The following STIM1 variants were observed in gnomAD, a reference collection of about 807,000 sequenced individuals.
STIM1 encodes stromal interaction molecule 1.
Under a neutral mutation model 74.7 loss-of-function variants are expected in STIM1, and 25 were observed. The ratio of observed to expected loss-of-function variants is 0.33; its 90% CI spans 0.24 to 0.47. The LOEUF is 0.47. STIM1 is among the 20% of genes least tolerant of loss of function. The probability of loss-of-function intolerance (pLI) is 1.00; values close to 1 mark genes in which losing one functional copy is unlikely to be tolerated. For synonymous variants in STIM1, 328 were observed against 348.8 expected, an observed-to-expected ratio of 0.94 and a Z score of 0.66; for missense variants, 728 against 920.8, an observed-to-expected ratio of 0.79 and a Z score of 2.71.
chr11:3,991,758 A>C (rs1028751504), intron 2 of STIM1, among the ~76,000 whole-genome samples: 26 of 150,578 alleles, frequency 1.7e-4, no homozygotes, highest in African/African-American at 6.3e-4. Context: ...GACCAGCCTG[A>C]CCAACATGGA....
intron 1 of STIM1, among the ~76,000 whole-genome samples, chr11:3,861,148 C>A (rs1378733629): frequency 6.6e-6 from 1 of 151,340 alleles, no homozygotes; most frequent in Non-Finnish European, 1.5e-5. Context: ...GATCATTAGG[C>A]AGAGTTGCTT....
rs1029633147 is a variant in STIM1 at position 3,919,210 on chromosome 11, A to G, written c.140-48342A>G. 2.0e-5 allele frequency among the ~76,000 whole-genome samples: 3 copies of G among 152,036 alleles called. No individual in the cohort carries two copies. The East Asian group carries it at 5.8e-4, about 29-fold the overall frequency. ...GGACTTTTCTTAGCCCCAACACCAA[A>G]CTGTGTTTTTTTGAGATGGAGTTTC... On this transcript the variant is annotated intron_variant, in intron 1 of 12. Coordinates refer to ENST00000526596, the MANE Select transcript of STIM1 (RefSeq NM_001382567.1).
At chr11:3,910,606 C>T (rs764210776) in intron 1 of STIM1, among the ~76,000 whole-genome samples, 6 of 152,108 alleles carry the variant, frequency 3.9e-5, no homozygotes, top group Admixed American at 6.6e-5. Flanking sequence ...GGATGCACAA[C>T]ACTATAAATG....
intron 2 of STIM1, among the ~76,000 whole-genome samples, chr11:3,989,877 T>G (rs1323706453): frequency 6.6e-6 from 1 of 152,240 alleles, no homozygotes; most frequent in African/African-American, 2.4e-5. Flanking sequence ...CCTATCAATT[T>G]TAAAAAAACA....
intron 1 of STIM1, among the ~76,000 whole-genome samples, chr11:3,937,636 GCAGTCCTTCAATGT>G (rs141604187): frequency 0.021 from 3,248 of 152,204 alleles, 117 homozygotes; most frequent in African/African-American, 0.075. Flanking sequence ...GAGGATGATG[GCAGTCCTTCAATGT>G]CACTCTTAGT....
At chr11:3,862,028 G>A (rs2090632597) in intron 1 of STIM1, among the ~76,000 whole-genome samples, 1 of 152,072 alleles carries the variant, frequency 6.6e-6, no homozygotes, top group Non-Finnish European at 1.5e-5. Context: ...AGGTTTGGTT[G>A]TTGTCAGGCT....
chr11:3,956,059 T>TGG (rs2093208978), intron 1 of STIM1, among the ~76,000 whole-genome samples: 1 of 150,702 alleles, frequency 6.6e-6, no homozygotes, highest in African/African-American at 2.4e-5. Flanking sequence ...GGAGATGAAA[T>TGG]CAGAAAGATG....
chr11:3,857,732 G>T (rs1374471123), intron 1 of STIM1, among the ~76,000 whole-genome samples: 3 of 152,144 alleles, frequency 2.0e-5, no homozygotes, highest in Non-Finnish European at 4.4e-5. Context: ...AGTCAGAAAA[G>T]GAAATATAGG....
chr11:4,039,327 G>A (rs2094129170), intron 3 of STIM1, among the ~76,000 whole-genome samples: 1 of 152,040 alleles, frequency 6.6e-6, no homozygotes. Context: ...GGTGGCTCAT[G>A]TCTGTAATCC....
chr11:4,048,638 C>T (rs2094212766), intron 3 of STIM1, among the ~76,000 whole-genome samples: 1 of 151,992 alleles, frequency 6.6e-6, no homozygotes, highest in South Asian at 2.1e-4. Context: ...ATTAAGTCTA[C>T]TTCTATTCCT....
At chr11:4,048,633 G>A (rs2094212729) in intron 3 of STIM1, among the ~76,000 whole-genome samples, 1 of 152,078 alleles carries the variant, frequency 6.6e-6, no homozygotes, top group Non-Finnish European at 1.5e-5. Flanking sequence ...TGTGTATTAA[G>A]TCTACTTCTA....
intron 2 of STIM1, among the ~76,000 whole-genome samples, chr11:3,980,683 A>AACAAC (rs1217971514): frequency 5.8e-4 from 83 of 142,408 alleles, no homozygotes; most frequent in African/African-American, 2.1e-3. Flanking sequence ...ACAACAACAA[A>AACAAC]AAAAAACAAA....
chr11:4,086,526 T>C lies in STIM1; in HGVS notation c.1617T>C (p.His539=), dbSNP rs377754940. The C allele has an allele frequency of 3.1e-6, 5 of 1,614,062 alleles. No individual in the cohort carries two copies. The highest frequency in any genetic ancestry group is 4.2e-6 in the Non-Finnish European group (5 of 1,180,034). The change falls in exon 12 of 13, where the codon CAT becomes CAC. Residue 539 remains histidine, a synonymous_variant. Transcript: ENST00000526596. The part of the protein sequence containing the change: ...SVRQRLTEPQ[H]GLGSQRDLTH... ...GGCAGCGCCTGACGGAGCCACAGCATGGCCTGGGATCTCAGAGGTTGGTAG... is the reference window on the plus strand; with the variant it reads ...GGCAGCGCCTGACGGAGCCACAGCACGGCCTGGGATCTCAGAGGTTGGTAG...
At chr11:4,067,641 T>C (rs574346292) in intron 5 of STIM1, among the ~76,000 whole-genome samples, 3 of 152,230 alleles carry the variant, frequency 2.0e-5, no homozygotes, top group Non-Finnish European at 2.9e-5. Context: ...CAAGTTAGTG[T>C]CCCTTACAGA....
intron 12 of STIM1, chr11:4,088,567 G>C: frequency 1.3e-6 from 1 of 761,164 alleles, no homozygotes; most frequent in East Asian, 2.8e-5. Context: ...ATCAAATTGG[G>C]TTGGGGACAC....
intron 2 of STIM1, among the ~76,000 whole-genome samples, chr11:3,986,130 C>A (rs1373252782): frequency 6.6e-6 from 1 of 152,028 alleles, no homozygotes; most frequent in Non-Finnish European, 1.5e-5. Flanking sequence ...GAATTTACTA[C>A]CTAGAAAGGT....
intron 2 of STIM1, among the ~76,000 whole-genome samples, chr11:3,968,576 C>A (rs1170352286): frequency 4.6e-5 from 7 of 152,136 alleles, no homozygotes; most frequent in Non-Finnish European, 1.0e-4. Flanking sequence ...AAACAAAGAG[C>A]ATTCAACACA....
At chr11:3,982,193 ATTTTTGTAT>A (rs2093512817) in intron 2 of STIM1, among the ~76,000 whole-genome samples, 1 of 150,896 alleles carries the variant, frequency 6.6e-6, no homozygotes, top group African/African-American at 2.4e-5. Context: ...TGCCCAGTTA[ATTTTTGTAT>A]TTTTTGTAGA....
At chr11:3,918,168 C>T (rs150721550) in intron 1 of STIM1, among the ~76,000 whole-genome samples, 1 of 152,080 alleles carries the variant, frequency 6.6e-6, no homozygotes, top group Admixed American at 6.6e-5. Flanking sequence ...GGCTTTCTCC[C>T]ATGTAGTGGC....
Sources: gnomAD v4.1 joint callset for allele counts (sites outside exome capture counted in the v4.1 genomes callset) on GRCh38, gnomAD v4.1.1 for gene constraint, MANE v1.5 for transcripts, NCBI Gene and HGNC (gene_info 2026-07-23, HGNC 2026-07-21) for gene names.